The following SLC16A12 variants were observed in gnomAD, a reference collection of about 807,000 sequenced individuals.
The protein encoded by SLC16A12 is solute carrier family 16 member 12.
Under a neutral mutation model 42.4 loss-of-function variants are expected in SLC16A12, and 17 were observed. The observed-to-expected ratio is 0.40, with a 90% confidence interval of 0.27 to 0.60. The LOEUF (loss-of-function observed/expected upper bound fraction) is 0.60, where lower values mean the gene tolerates loss of function less well. SLC16A12 is among the 20% of genes least tolerant of loss of function. The pLI is 0.42. For synonymous variants in SLC16A12, 224 were observed against 229.4 expected, an observed-to-expected ratio of 0.98 and a Z score of 0.21; for missense variants, 544 against 623.0, an observed-to-expected ratio of 0.87 and a Z score of 1.35.
chr10:89,500,895 A>G (rs1043235531), intron 2 of SLC16A12, among the ~76,000 whole-genome samples: 15 of 152,192 alleles, frequency 9.9e-5, no homozygotes, highest in African/African-American at 3.4e-4. Context: ...CGAAAACCCT[A>G]AAGACTCCTT....
At position 89,484,278 on chromosome 10, in the gene SLC16A12, C is replaced by A. The variant is rs1475760; in HGVS notation, c.-46-21654G>T. Among the ~76,000 whole-genome samples the A allele has an allele frequency of 7.3e-3, 1,113 of 152,274 alleles. 11 individuals carry two copies. The highest frequency in any genetic ancestry group is 0.025 in the African/African-American group (1,054 of 41,550). ...TAATTATTTGGTGACAAGACCTAAA[C>A]TACGTATATATCTCTTTTAGTAGAA... On this transcript the variant is annotated intron_variant, in intron 2 of 7. Coordinates refer to ENST00000371790, the MANE Select transcript of SLC16A12 (RefSeq NM_213606.4).
chr10:89,494,985 G>C (rs185868905), intron 2 of SLC16A12, among the ~76,000 whole-genome samples: 366 of 152,174 alleles, frequency 2.4e-3, no homozygotes, highest in African/African-American at 8.5e-3. Context: ...AAAACAAGAG[G>C]ATTAAATGAA....
At chr10:89,543,978 T>C (rs1473034378) in intron 2 of SLC16A12, among the ~76,000 whole-genome samples, 1 of 152,252 alleles carries the variant, frequency 6.6e-6, no homozygotes, top group Non-Finnish European at 1.5e-5. Flanking sequence ...TCTGTCTCAT[T>C]TACCATTCCC....
intron 3 of SLC16A12, among the ~76,000 whole-genome samples, chr10:89,455,830 G>T (rs141207840): frequency 0.011 from 1,750 of 152,204 alleles, 54 homozygotes; most frequent in Middle Eastern, 0.017. Context: ...TCTAAAATTA[G>T]CATTTTGGTA....
At chr10:89,445,375 G>A (rs1028782605) in intron 3 of SLC16A12, among the ~76,000 whole-genome samples, 16 of 152,194 alleles carry the variant, frequency 1.1e-4, no homozygotes, top group African/African-American at 3.9e-4. Context: ...CTCAGACAAA[G>A]CTTCCAGAGG....
At chr10:89,543,222 G>A (rs550311694) in intron 2 of SLC16A12, among the ~76,000 whole-genome samples, 9 of 152,242 alleles carry the variant, frequency 5.9e-5, no homozygotes, top group African/African-American at 2.2e-4. Context: ...GGTGTTCACT[G>A]GATAATCTTT....
chr10:89,535,080 G>C (rs1005415494), intron 1 of SLC16A12, among the ~76,000 whole-genome samples: 1 of 152,048 alleles, frequency 6.6e-6, no homozygotes, highest in Non-Finnish European at 1.5e-5. Flanking sequence ...TGAGGTGGGG[G>C]ACGGGGAGAG....
At chr10:89,542,665 TC>T (rs760060688) in intron 2 of SLC16A12, among the ~76,000 whole-genome samples, 1 of 152,198 alleles carries the variant, frequency 6.6e-6, no homozygotes, top group Admixed American at 6.5e-5. Context: ...AGACTCATCT[TC>T]CGTCATGCAT....
rs1352627552 is a variant in SLC16A12, at chr10:89,551,544, T to C, written c.-47+4338A>G. ...GAAACTTCCATAAAGCTGATATAGT[T>C]TGGCTCTGTGTCCCCACCCAAATCT... is the stretch of plus-strand genomic sequence containing the variant. On this transcript the variant is annotated intron_variant, in intron 2 of 2. Coordinates refer to the SLC16A12 transcript ENST00000475682. Among the ~76,000 whole-genome samples the C allele has an allele frequency of 6.6e-5, 10 of 152,316 alleles. No homozygotes were observed. In the East Asian group the frequency reaches 1.9e-3, roughly 29 times the overall value.
intron 2 of SLC16A12, among the ~76,000 whole-genome samples, chr10:89,544,995 A>T (rs748449791): frequency 6.6e-6 from 1 of 152,202 alleles, no homozygotes; most frequent in Non-Finnish European, 1.5e-5. Flanking sequence ...TAGTGGGCCA[A>T]TTCTGAGTCT....
Position 89,448,575 on chromosome 10 carries a change from C to G in SLC16A12, c.201-4716G>C, listed in dbSNP as rs111821591. 2.3e-4 allele frequency among the ~76,000 whole-genome samples: 35 copies of G among 152,278 alleles called. No homozygotes were observed. The South Asian group carries it at 7.1e-3, about 31-fold the overall frequency. On this transcript the variant is annotated intron_variant, in intron 3 of 7. Coordinates refer to ENST00000371790, the MANE Select transcript of SLC16A12 (RefSeq NM_213606.4). ...TCAACATCCCTTCATGCTAAAAACT[C>G]TCAATAAACTAGGTATTGATGGAAT...
chr10:89,497,266 C>T (rs1842933446), intron 2 of SLC16A12, among the ~76,000 whole-genome samples: 1 of 152,196 alleles, frequency 6.6e-6, no homozygotes, highest in Admixed American at 6.5e-5. Flanking sequence ...CATATACACA[C>T]ATGAGATATC....
At chr10:89,500,308 A>T (rs1339757195) in intron 2 of SLC16A12, among the ~76,000 whole-genome samples, 1 of 152,172 alleles carries the variant, frequency 6.6e-6, no homozygotes, top group Non-Finnish European at 1.5e-5. Flanking sequence ...GTATCACCCT[A>T]ATACTAAAAC....
At chr10:89,516,808 G>A (rs1017977240) in intron 2 of SLC16A12, among the ~76,000 whole-genome samples, 1 of 152,176 alleles carries the variant, frequency 6.6e-6, no homozygotes, top group Non-Finnish European at 1.5e-5. Context: ...TGGCCCTACT[G>A]ATATTTCCAG....
At chr10:89,436,011 CA>C in intron 7 of SLC16A12, 48 bp downstream of exon 7, 1 of 1,611,174 alleles carries the variant, frequency 6.2e-7, no homozygotes, top group Non-Finnish European at 8.5e-7. Context: ...GTTTTCACAT[CA>C]ATATGCCAAA....
At chr10:89,490,112 A>C (rs1842825298) in intron 2 of SLC16A12, among the ~76,000 whole-genome samples, 2 of 152,226 alleles carry the variant, frequency 1.3e-5, no homozygotes, top group Admixed American at 1.3e-4. Flanking sequence ...GGAATGTAAA[A>C]GTAGGGCTTT....
intron 2 of SLC16A12, among the ~76,000 whole-genome samples, chr10:89,482,782 TAAA>T (rs397846442): frequency 7.9e-6 from 1 of 126,060 alleles, no homozygotes; most frequent in Non-Finnish European, 1.7e-5. Flanking sequence ...AGACCCTGTC[TAAA>T]AAAAAAAAAA....
chr10:89,448,611 A>G (rs1478130064), intron 3 of SLC16A12, among the ~76,000 whole-genome samples: 1 of 152,220 alleles, frequency 6.6e-6, no homozygotes, highest in Non-Finnish European at 1.5e-5. Context: ...GTATCTCAAA[A>G]TAATAAGAGC....
chr10:89,466,506 C>A (rs1443992853), intron 2 of SLC16A12, among the ~76,000 whole-genome samples: 1 of 152,192 alleles, frequency 6.6e-6, no homozygotes, highest in Non-Finnish European at 1.5e-5. Context: ...CAAATGAGAG[C>A]ACCCACAAAC....
Sources: gnomAD v4.1 joint callset for allele counts (sites outside exome capture counted in the v4.1 genomes callset) on GRCh38, gnomAD v4.1.1 for gene constraint, MANE v1.5 for transcripts, NCBI Gene and HGNC (gene_info 2026-07-23, HGNC 2026-07-21) for gene names.